DRG1: variants seen among roughly 807,000 people sequenced by gnomAD.
DRG1 encodes developmentally-regulated GTP-binding protein 1.
A neutral mutation model predicts 38.8 loss-of-function variants in DRG1; 19 were observed. The ratio of observed to expected loss-of-function variants is 0.49; its 90% CI spans 0.34 to 0.72. The LOEUF is 0.72. Ranked by LOEUF, DRG1 falls within the 30% of genes least tolerant of loss-of-function variation. DRG1 has a pLI of 0.01. For synonymous variants in DRG1, 167 were observed against 157.5 expected (o/e 1.06, Z -0.45); for missense variants, 299 against 444.8 (o/e 0.67, Z 2.95).
intron 3 of DRG1, among the ~76,000 whole-genome samples, chr22:31,404,907 G>A (rs568328340): frequency 9.2e-5 from 14 of 152,226 alleles, no homozygotes; most frequent in African/African-American, 2.9e-4. Flanking sequence ...ACAGGCGTGA[G>A]CCACTGCACC....
chr22:31,414,941 C>T (rs921432853), intron 4 of DRG1, among the ~76,000 whole-genome samples: 5 of 151,908 alleles, frequency 3.3e-5, no homozygotes, highest in East Asian at 1.9e-4. Flanking sequence ...CCATCATACC[C>T]GCTAATTTTT....
intron 4 of DRG1, among the ~76,000 whole-genome samples, chr22:31,412,392 C>G (rs2050022969): frequency 6.8e-6 from 1 of 147,038 alleles, no homozygotes; most frequent in African/African-American, 2.5e-5. Flanking sequence ...GCTCTGTCGC[C>G]CAGGCTAGAA....
rs2050158757 is a variant in DRG1, at chr22:31,434,126, T to C, written c.*155T>C. 4.8e-6 allele frequency: 3 copies of C among 628,140 alleles called. No individual in the cohort carries two copies. Among genetic ancestry groups the C allele is most frequent in the Non-Finnish European group, 8.5e-6 (3 of 354,624 alleles). The allele number at this position is 628,140 out of a possible 1,614,324, so 38.9% of individuals were successfully genotyped here. Reference sequence around the variant, plus strand: ...AAACTGGAACTTCATTTGTCTTACCTTGGTGTCACCTTGTATGTCGAACTG... The same window carrying C: ...AAACTGGAACTTCATTTGTCTTACCCTGGTGTCACCTTGTATGTCGAACTG... On this transcript the variant is annotated 3_prime_UTR_variant, in exon 9 of 9. Coordinates refer to ENST00000331457, the MANE Select transcript of DRG1 (RefSeq NM_004147.4).
At chr22:31,416,731 C>T (rs539645975) in intron 4 of DRG1, among the ~76,000 whole-genome samples, 36 of 151,860 alleles carry the variant, frequency 2.4e-4, no homozygotes, top group Admixed American at 1.1e-3. Context: ...GGTGAAACCG[C>T]GTGTCTATTA....
intron 8 of DRG1, among the ~76,000 whole-genome samples, chr22:31,433,303 G>A (rs931612539): frequency 8.1e-5 from 11 of 135,544 alleles, no homozygotes; most frequent in Non-Finnish European, 1.5e-4. Flanking sequence ...GCGGAGTTTC[G>A]CTCGTTGCCC....
chr22:31,433,995 C>T lies in DRG1; in HGVS notation c.*24C>T, dbSNP rs115098936. 1.8e-3 allele frequency: 2,903 copies of T among 1,604,884 alleles called. 51 individuals carry two copies. The African/African-American group carries it at 0.035, about 19-fold the overall frequency. On this transcript the variant is annotated 3_prime_UTR_variant, in exon 9 of 9. Transcript: ENST00000331457. The stretch of plus-strand genomic sequence containing the variant: ...GAAACCTTTCCCTTTTCCCATCTGC[C>T]GGACGAACCACAACAGCGTTCCCCA...
chr22:31,399,834 C>A, intron 1 of DRG1, 109 bp downstream of exon 1: 1 of 1,522,954 alleles, frequency 6.6e-7, no homozygotes. Flanking sequence ...CTAGATTCCG[C>A]GACTTCTCTC....
chr22:31,418,814 T>C (rs1401390053), intron 4 of DRG1, among the ~76,000 whole-genome samples: 4 of 152,190 alleles, frequency 2.6e-5, no homozygotes, highest in Admixed American at 2.0e-4. Flanking sequence ...CCCAAGTAGC[T>C]GGGACTACAG....
At chr22:31,408,883 TTGTTTTAAC>T (rs1490596525) in intron 3 of DRG1, among the ~76,000 whole-genome samples, 1 of 152,144 alleles carries the variant, frequency 6.6e-6, no homozygotes. Flanking sequence ...GATTTTATAT[TTGTTTTAAC>T]TGTTTTGACT....
intron 2 of DRG1, 109 bp downstream of exon 2, chr22:31,400,852 C>T: frequency 7.8e-7 from 1 of 1,289,690 alleles, no homozygotes; most frequent in Non-Finnish European, 1.0e-6. Flanking sequence ...TGGCTCAACG[C>T]CTGCAATCCT....
At chr22:31,427,310 G>C (rs2050116213) in intron 8 of DRG1, 128 bp downstream of exon 8, 1 of 1,237,934 alleles carries the variant, frequency 8.1e-7, no homozygotes. Context: ...TGCTTGGCTA[G>C]AACTCTGCAG....
intron 4 of DRG1, among the ~76,000 whole-genome samples, chr22:31,413,609 GTTTTTTTTT>G (rs35654476): frequency 6.6e-5 from 4 of 60,464 alleles, no homozygotes; most frequent in Non-Finnish European, 1.2e-4. Flanking sequence ...CCTATTGTGG[GTTTTTTTTT>G]TTTTTTTTTT....
At chr22:31,403,422 C>CTT (rs1601523803) in intron 3 of DRG1, among the ~76,000 whole-genome samples, 1 of 151,936 alleles carries the variant, frequency 6.6e-6, no homozygotes, top group Admixed American at 6.6e-5. Context: ...AATCCCAGCA[C>CTT]TTTGGGAAGC....
At chr22:31,419,832 T>A (rs1018768808) in intron 4 of DRG1, among the ~76,000 whole-genome samples, 1 of 152,106 alleles carries the variant, frequency 6.6e-6, no homozygotes, top group Non-Finnish European at 1.5e-5. Context: ...TTGCCTGAGC[T>A]CAGGAGTTCG....
chr22:31,415,559 A>G (rs2050039898), intron 4 of DRG1, among the ~76,000 whole-genome samples: 1 of 152,180 alleles, frequency 6.6e-6, no homozygotes, highest in Non-Finnish European at 1.5e-5. Context: ...ACGGGGTTTC[A>G]CCATGTTGGC....
At chr22:31,431,035 C>CCCTTTTTTT (rs2050136481) in intron 8 of DRG1, among the ~76,000 whole-genome samples, 1 of 56,764 alleles carries the variant, frequency 1.8e-5, no homozygotes, top group African/African-American at 6.7e-5. Flanking sequence ...CCCCCCCCCG[C>CCCTTTTTTT]TTTTTTTTTT....
chr22:31,428,112 A>C (rs1424794241), intron 8 of DRG1, among the ~76,000 whole-genome samples: 1 of 152,182 alleles, frequency 6.6e-6, no homozygotes, highest in African/African-American at 2.4e-5. Flanking sequence ...TCAGCCTCCC[A>C]AAGTGTTAGG....
intron 4 of DRG1, among the ~76,000 whole-genome samples, chr22:31,412,832 C>T (rs531053130): frequency 6.6e-6 from 1 of 151,844 alleles, no homozygotes; most frequent in African/African-American, 2.4e-5. Flanking sequence ...ACTACAGGTG[C>T]GTGCCACCAT....
At chr22:31,405,306 T>C (rs113522352) in intron 3 of DRG1, among the ~76,000 whole-genome samples, 2 of 152,158 alleles carry the variant, frequency 1.3e-5, no homozygotes, top group East Asian at 1.9e-4. Flanking sequence ...TAGCTGGGAC[T>C]ACATGCGCAT....
Sources: gnomAD v4.1 joint callset for allele counts (sites outside exome capture counted in the v4.1 genomes callset) on GRCh38, gnomAD v4.1.1 for gene constraint, MANE v1.5 for transcripts, NCBI Gene and HGNC (gene_info 2026-07-23, HGNC 2026-07-21) for gene names.